LTBR: variants seen among roughly 807,000 people sequenced by gnomAD.
LTBR encodes tumor necrosis factor receptor superfamily member 3.
Under a neutral mutation model 45.4 loss-of-function variants are expected in LTBR, and 15 were observed. That is an observed-to-expected ratio of 0.33 (90% CI 0.22 to 0.51). LTBR has a LOEUF of 0.51. LTBR is among the 20% of genes least tolerant of loss of function. The pLI, the probability that LTBR is intolerant of heterozygous loss-of-function variation, is 0.97. For synonymous variants in LTBR, 228 were observed against 231.0 expected, an observed-to-expected ratio of 0.99 and a Z score of 0.12; for missense variants, 450 against 565.5, an observed-to-expected ratio of 0.80 and a Z score of 2.07.
At chr12:6,389,593 GGGGTTTGAGACCAGCCC>G (rs1391601151) in intron 8 of LTBR, 1 of 156,272 alleles carries the variant, frequency 6.4e-6, no homozygotes, top group East Asian at 1.9e-4. Flanking sequence ...CCTGAGGTCA[GGGGTTTGAGACCAGCCC>G]GGCCAACATG....
chr12:6,384,424 C>T lies in LTBR; in HGVS notation c.66C>T (p.Phe22=), dbSNP rs1249001383. The T allele has an allele frequency of 3.2e-6, 5 of 1,546,604 alleles. No individual in the cohort carries two copies. Among genetic ancestry groups the T allele is most frequent in the African/African-American group, 2.7e-5 (2 of 73,424 alleles). ...GGGGGCCTCTGGTGCTGGGCCTCTT[C>T]GGGCTCCTGGCAGCATCGCAGCCCC... is the stretch of plus-strand genomic sequence containing the variant. The part of the protein sequence containing the change: ...LAWGPLVLGL[F]GLLAASQPQA... The change falls in exon 1 of 10, where the codon TTC becomes TTT. Residue 22 remains phenylalanine, a synonymous_variant. Coordinates refer to ENST00000228918, the MANE Select transcript of LTBR (RefSeq NM_002342.3).
At chr12:6,389,802 CAAAAAA>C (rs71067110) in intron 8 of LTBR, 27 of 104,262 alleles carry the variant, frequency 2.6e-4, no homozygotes, top group East Asian at 1.1e-3. Context: ...GACTCTGTCT[CAAAAAA>C]AAAAAAAAAA....
chr12:6,382,726 A>G (rs1948996707), upstream of LTBR, among the ~76,000 whole-genome samples: 1 of 152,146 alleles, frequency 6.6e-6, no homozygotes, highest in African/African-American at 2.4e-5. Context: ...CACACTTCCC[A>G]TCACCTGCAC....
Position 6,386,260 on chromosome 12 carries a change from C to T in LTBR, c.570-87C>T, listed in dbSNP as rs967728236. The T allele has an allele frequency of 6.8e-7, 1 of 1,478,456 alleles. No individual in the cohort carries two copies. The highest frequency in any genetic ancestry group is 1.4e-5 in the African/African-American group (1 of 71,942). 91.6% of individuals were successfully genotyped at this position (1,478,456 alleles called of 1,614,324 possible). On this transcript the variant is annotated intron_variant, in intron 5 of 9. Transcript: ENST00000228918. This position sits in a 1 kb window ranked among gnomAD's most constrained non-coding sequence, Gnocchi z 4.1. ...CCTTGACACCACGGACTCGACTCAC[C>T]ACTTTCAGCCTCCCCGCCTGCCCAG...
intron 1 of LTBR, chr12:6,377,168 T>A: frequency 8.4e-7 from 1 of 1,187,140 alleles, no homozygotes; most frequent in South Asian, 1.4e-5. Flanking sequence ...GGTCTGTGGC[T>A]TCCTCTCTTG....
rs41399445 is a variant in LTBR, at chr12:6,385,869, C to A, written c.473-197C>A. 5.2e-3 allele frequency: 2,516 copies of A among 486,056 alleles called. 31 individuals are homozygous for A. Among genetic ancestry groups the A allele is most frequent in the Non-Finnish European group, 4.5e-3 (1,235 of 273,930 alleles). The allele number at this position is 486,056 out of a possible 1,614,324, so 30.1% of individuals were successfully genotyped here. A position where few individuals can be genotyped will look rare whatever the true frequency, so the allele number is the denominator to read the frequency against. On this transcript the variant is annotated intron_variant, in intron 4 of 9. Transcript: ENST00000228918. ...GCAGTGAGCCGAGATCGCGCCACTG[C>A]ACTCCAGCCTGGGCGACAGAGCAAG...
intron 2 of LTBR, 48 bp downstream of exon 2, chr12:6,384,732 G>A: frequency 6.4e-7 from 1 of 1,561,588 alleles, no homozygotes; most frequent in South Asian, 1.1e-5. Flanking sequence ...GTGGGTCACG[G>A]GGGCTCCAGC....
rs773713586 is a variant in LTBR at position 6,385,072 on chromosome 12, A to G, written c.244A>G (p.Thr82Ala). Reference sequence around the variant, plus strand: ...CCGCATCCGGGACACAGTTTGTGCCACATGTGCCGAGAATTCCTACAACGA... The same window carrying G: ...CCGCATCCGGGACACAGTTTGTGCCGCATGTGCCGAGAATTCCTACAACGA... ...CSRIRDTVCATCAENSYNEHW... is the reference protein window; with the variant it reads ...CSRIRDTVCAACAENSYNEHW... Residue 82 changes from threonine to alanine, a missense_variant, in exon 3 of 10, where the codon ACA (threonine) becomes GCA (alanine). By Grantham distance (58) the Thr-to-Ala change is moderately conservative. Coordinates refer to ENST00000228918, the MANE Select transcript of LTBR (RefSeq NM_002342.3). 3 of 1,614,124 alleles carry G rather than the reference A, an allele frequency of 1.9e-6. No homozygotes were observed. In the African/African-American group the frequency reaches 4.0e-5, roughly 22 times the overall value.
upstream of LTBR, among the ~76,000 whole-genome samples, chr12:6,383,400 G>C (rs1258678708): frequency 6.6e-6 from 1 of 152,176 alleles, no homozygotes; most frequent in Non-Finnish European, 1.5e-5. Context: ...CTTAAGGTGA[G>C]GGGGCTGGAC....
Position 6,386,312 on chromosome 12 carries a change from G to A in LTBR, c.570-35G>A, listed in dbSNP as rs760196899. The A allele has an allele frequency of 3.2e-6, 5 of 1,582,288 alleles. No homozygotes were observed. Among genetic ancestry groups the A allele is most frequent in the Admixed American group, 1.7e-5 (1 of 59,618 alleles). ...GGAGTCGGGACACTGGTGGGCCAGG[G>A]CGTGAAAAGGTCATCATCTTTTTTT... On this transcript the variant is annotated intron_variant, in intron 5 of 9. Transcript: ENST00000228918. This position sits in a 1 kb window ranked among gnomAD's most constrained non-coding sequence, Gnocchi z 4.1.
In LTBR at chr12:6,388,316, G is replaced by C; in HGVS notation, c.668-82G>C. On this transcript the variant is annotated intron_variant, in intron 6 of 9. Transcript: ENST00000228918. The surrounding 1 kb of genome is among the most constrained non-coding windows in gnomAD (Gnocchi z 4.3). Reference sequence around the variant, plus strand: ...CCTTTTCTCTGTCTGGGTTGCCCAGGGATCTGGAAAGCTCTTCCTTCTCCT... The same window carrying C: ...CCTTTTCTCTGTCTGGGTTGCCCAGCGATCTGGAAAGCTCTTCCTTCTCCT... 1 of 1,046,180 alleles carries C rather than the reference G, an allele frequency of 9.6e-7. No individual in the cohort carries two copies. Among genetic ancestry groups the C allele is most frequent in the Non-Finnish European group, 1.5e-6 (1 of 674,232 alleles). The allele number at this position is 1,046,180 out of a possible 1,614,324, so 64.8% of individuals were successfully genotyped here.
Position 6,386,746 on chromosome 12 carries a change from GTTT to G in LTBR, c.667+311_667+313del. The G allele has an allele frequency of 4.2e-6, 1 of 237,422 alleles. No individual in the cohort carries two copies. Among genetic ancestry groups the G allele is most frequent in the Non-Finnish European group, 8.0e-6 (1 of 124,326 alleles). 14.7% of individuals were successfully genotyped at this position (237,422 alleles called of 1,614,324 possible). A position where few individuals can be genotyped will look rare whatever the true frequency, so the allele number is the denominator to read the frequency against. The stretch of plus-strand genomic sequence containing the variant: ...TGGGCTTACCAACATTACACAATCC[GTTT>G]TTTTTTTTCACACAATCCATTAACT... On this transcript the variant is annotated intron_variant, in intron 6 of 9. Coordinates refer to ENST00000228918, the MANE Select transcript of LTBR (RefSeq NM_002342.3). This position sits in a 1 kb window ranked among gnomAD's most constrained non-coding sequence, Gnocchi z 4.1.
chr12:6,385,702 C>G (rs928232620), intron 4 of LTBR: 28 of 387,808 alleles, frequency 7.2e-5, no homozygotes, highest in Non-Finnish European at 1.1e-4. Flanking sequence ...GTCAGGAGAT[C>G]GAGACCATCC....
At chr12:6,376,099 G>A in intron 1 of LTBR, 1 of 988,724 alleles carries the variant, frequency 1.0e-6, no homozygotes, top group Non-Finnish European at 1.2e-6. Flanking sequence ...GCCCTCCAAG[G>A]GCACCCACAG....
chr12:6,384,283 C>T lies in LTBR; in HGVS notation c.-76C>T. The T allele has an allele frequency of 7.0e-7, 1 of 1,423,480 alleles. No homozygotes were observed. The highest frequency in any genetic ancestry group is 9.1e-7 in the Non-Finnish European group (1 of 1,094,082). The allele number at this position is 1,423,480 out of a possible 1,614,324, so 88.2% of individuals were successfully genotyped here. A position where few individuals can be genotyped will look rare whatever the true frequency, so the allele number is the denominator to read the frequency against. On this transcript the variant is annotated 5_prime_UTR_variant, in exon 1 of 10. Coordinates refer to ENST00000228918, the MANE Select transcript of LTBR (RefSeq NM_002342.3). ...CTCTGGGCTCGGGCAGCCGCCGCCACCGCTGCCCAGGACGTCGGGCCTCCT... is the reference window on the plus strand; with the variant it reads ...CTCTGGGCTCGGGCAGCCGCCGCCATCGCTGCCCAGGACGTCGGGCCTCCT...
chr12:6,377,778 C>A, intron 1 of LTBR: 1 of 693,386 alleles, frequency 1.4e-6, no homozygotes. Flanking sequence ...TGCCTGAAAT[C>A]CAACCACTAG....
In LTBR at chr12:6,385,048, C is replaced by T. The variant is rs748196272; in HGVS notation, c.220C>T (p.Arg74Cys). ...PGTYVSAKCS[R>C]IRDTVCATCA... ...CACCTATGTCTCAGCTAAATGTAGC[C>T]GCATCCGGGACACAGTTTGTGCCAC... is the stretch of plus-strand genomic sequence containing the variant. Residue 74 changes from arginine to cysteine, a missense_variant, in exon 3 of 10, where the codon CGC (arginine) becomes TGC (cysteine). Physicochemically the swap from Arg to Cys is radical, Grantham distance 180 (BLOSUM62 -3). This residue lies in a region of LTBR where 367 missense variants were observed against 435.4 expected (regional missense o/e 0.84). Transcript: ENST00000228918. 15 of 1,614,174 alleles carry T rather than the reference C, an allele frequency of 9.3e-6. No individual in the cohort carries two copies. Among genetic ancestry groups the T allele is most frequent in the Non-Finnish European group, 1.2e-5 (14 of 1,180,032 alleles).
intron 1 of LTBR, chr12:6,377,120 A>T: frequency 1.1e-5 from 7 of 652,882 alleles, no homozygotes; most frequent in Non-Finnish European, 1.6e-5. Context: ...GCAGGCAAAG[A>T]AGAGAAAAGG....
intron 1 of LTBR, chr12:6,375,946 C>T: frequency 1.0e-5 from 11 of 1,067,194 alleles, no homozygotes; most frequent in Non-Finnish European, 1.1e-5. Context: ...GGAGGAGGGG[C>T]ACTGAGTGAG....
Sources: allele counts gnomAD v4.1 joint callset (sites outside exome capture counted in the v4.1 genomes callset), GRCh38; gene constraint gnomAD v4.1.1; regional missense constraint gnomAD v4.1.1; non-coding constraint Gnocchi (gnomAD v3.1); transcripts MANE v1.5; gene names NCBI Gene and HGNC (gene_info 2026-07-23, HGNC 2026-07-21).